The following RGS7 variants were observed in gnomAD, a reference collection of about 807,000 sequenced individuals.
RGS7 encodes regulator of G protein signaling 7.
RGS7 carries 27 observed loss-of-function variants against 81.1 expected under a neutral mutation model. The observed-to-expected ratio is 0.33, with a 90% CI of 0.25 to 0.46. RGS7 has a LOEUF of 0.46. RGS7 is among the 20% of genes least tolerant of loss of function. The pLI is 1.00. For synonymous variants in RGS7, 208 were observed against 207.7 expected (o/e 1.00, Z -0.01); for missense variants, 396 against 607.4 (o/e 0.65, Z 3.66).
chr1:241,222,253 C>T (rs2075059128), intron 2 of RGS7, among the ~76,000 whole-genome samples: 2 of 152,158 alleles, frequency 1.3e-5, no homozygotes, highest in African/African-American at 4.8e-5. Flanking sequence ...TTATCGCTGA[C>T]ATTCTAAAGC....
At chr1:240,907,359 TAAAA>T (rs2148228425) in intron 6 of RGS7, among the ~76,000 whole-genome samples, 1 of 151,958 alleles carries the variant, frequency 6.6e-6, no homozygotes, top group Non-Finnish European at 1.5e-5. Flanking sequence ...AATGTAGAAA[TAAAA>T]TAAATAAAAT....
At chr1:240,794,872 A>G (rs563869700) in intron 18 of RGS7, among the ~76,000 whole-genome samples, 1 of 152,310 alleles carries the variant, frequency 6.6e-6, no homozygotes, top group Admixed American at 6.5e-5. Context: ...ATCTCACACT[A>G]GATTTTACAT....
In RGS7 at chr1:241,194,545, C is replaced by T. The variant is rs111770051; in HGVS notation, c.79-95783G>A. On this transcript the variant is annotated intron_variant, in intron 2 of 18. Transcript: ENST00000440928. ...TTATTCCCTAAACTCAGTAAAGCCA[C>T]TGACTTTCAGAAAATGAATAATCTA... Among the ~76,000 whole-genome samples, 303 of 152,280 alleles carry T rather than the reference C, an allele frequency of 2.0e-3. 2 individuals are homozygous for T. The highest frequency in any genetic ancestry group is 6.8e-3 in the African/African-American group (283 of 41,568).
chr1:240,918,696 A>T (rs1672991742), intron 6 of RGS7, among the ~76,000 whole-genome samples: 1 of 152,108 alleles, frequency 6.6e-6, no homozygotes, highest in African/African-American at 2.4e-5. Context: ...AACAAAAGCA[A>T]ATTAAATCTA....
chr1:241,317,652 A>T (rs2080961624), intron 2 of RGS7, among the ~76,000 whole-genome samples: 1 of 152,162 alleles, frequency 6.6e-6, no homozygotes, highest in African/African-American at 2.4e-5. Context: ...TGGGGAGGAA[A>T]GATCATCAGT....
rs78517247 is a variant in RGS7, at chr1:240,894,557, C to T, written c.386-24438G>A. Among the ~76,000 whole-genome samples the T allele has an allele frequency of 2.1e-3, 323 of 151,660 alleles. 1 individual carries two copies. Among genetic ancestry groups the T allele is most frequent in the African/African-American group, 4.7e-3 (195 of 41,328 alleles). ...TTGTGCACTGAGGTTTTAATTATAA[C>T]GACCATATTTATTTGTATAATATTT... On this transcript the variant is annotated intron_variant, in intron 6 of 18. Coordinates refer to ENST00000440928, the MANE Select transcript of RGS7 (RefSeq NM_001364886.1).
At chr1:240,991,977 A>G (rs1482558692) in intron 3 of RGS7, among the ~76,000 whole-genome samples, 2 of 152,180 alleles carry the variant, frequency 1.3e-5, no homozygotes, top group African/African-American at 4.8e-5. Flanking sequence ...CGATAAATTA[A>G]AAACTTGCTC....
intron 2 of RGS7, among the ~76,000 whole-genome samples, chr1:241,112,345 A>C (rs1296222599): frequency 6.6e-6 from 1 of 152,190 alleles, no homozygotes; most frequent in East Asian, 1.9e-4. Flanking sequence ...ATGACCTCAC[A>C]GCCATCACCA....
chr1:241,006,027 G>C (rs930362479), intron 3 of RGS7, among the ~76,000 whole-genome samples: 4 of 152,008 alleles, frequency 2.6e-5, no homozygotes, highest in Non-Finnish European at 4.4e-5. Context: ...GCTTATTGTA[G>C]ACATATATTT....
chr1:240,913,454 G>T (rs948107982), intron 6 of RGS7, among the ~76,000 whole-genome samples: 1 of 152,266 alleles, frequency 6.6e-6, no homozygotes, highest in Non-Finnish European at 1.5e-5. Flanking sequence ...TTTTCGAAAG[G>T]AGTAGAATAC....
At chr1:241,119,237 TAC>T (rs2066078606) in intron 2 of RGS7, among the ~76,000 whole-genome samples, 1 of 152,236 alleles carries the variant, frequency 6.6e-6, no homozygotes, top group Non-Finnish European at 1.5e-5. Context: ...GACGTTATTT[TAC>T]AGTTTTGCAA....
chr1:240,865,337 T>C (rs936852587), intron 9 of RGS7, among the ~76,000 whole-genome samples: 16 of 152,200 alleles, frequency 1.1e-4, no homozygotes, highest in Admixed American at 1.0e-3. Context: ...CTCTTAGATA[T>C]GGACATCTTC....
chr1:240,946,690 A>G (rs897867798), intron 4 of RGS7, among the ~76,000 whole-genome samples: 1 of 152,210 alleles, frequency 6.6e-6, no homozygotes, highest in Admixed American at 6.5e-5. Context: ...ACATAGTGAG[A>G]CAGCTTTATT....
intron 2 of RGS7, among the ~76,000 whole-genome samples, chr1:241,328,454 T>C (rs894975570): frequency 1.3e-5 from 2 of 152,340 alleles, no homozygotes; most frequent in South Asian, 4.1e-4. Flanking sequence ...GCTCCACTCC[T>C]AACATGGGAT....
At chr1:240,807,620 A>G (rs2103076932) in intron 14 of RGS7, among the ~76,000 whole-genome samples, 1 of 152,332 alleles carries the variant, frequency 6.6e-6, no homozygotes, top group South Asian at 2.1e-4. Flanking sequence ...TATATGTAGC[A>G]GAGGATAATC....
At chr1:240,866,871 G>A (rs1371104896) in intron 9 of RGS7, among the ~76,000 whole-genome samples, 1 of 152,150 alleles carries the variant, frequency 6.6e-6, no homozygotes, top group Non-Finnish European at 1.5e-5. Context: ...AGCTGGCATG[G>A]TGTGAGTCCT....
chr1:240,974,402 A>G (rs1283840646), intron 4 of RGS7, among the ~76,000 whole-genome samples: 2 of 152,204 alleles, frequency 1.3e-5, no homozygotes, highest in African/African-American at 2.4e-5. Context: ...CATTTAAGAG[A>G]GCACAAACTG....
At chr1:240,981,863 G>A (rs1220116091) in intron 4 of RGS7, among the ~76,000 whole-genome samples, 1 of 152,066 alleles carries the variant, frequency 6.6e-6, no homozygotes, top group Non-Finnish European at 1.5e-5. Context: ...TTGCATCTTC[G>A]TATACTGTTA....
chr1:241,185,116 T>C (rs541585812), intron 2 of RGS7, among the ~76,000 whole-genome samples: 1 of 152,212 alleles, frequency 6.6e-6, no homozygotes, highest in Non-Finnish European at 1.5e-5. Flanking sequence ...TATAACCTTA[T>C]AGCATTTTTA....
Sources: gnomAD v4.1 joint callset for allele counts (sites outside exome capture counted in the v4.1 genomes callset) on GRCh38, gnomAD v4.1.1 for gene constraint, MANE v1.5 for transcripts, NCBI Gene and HGNC (gene_info 2026-07-23, HGNC 2026-07-21) for gene names.